RBMS1: variants seen among roughly 807,000 people sequenced by gnomAD.
RBMS1 encodes RNA-binding motif, single-stranded-interacting protein 1.
A neutral mutation model predicts 62.3 loss-of-function variants in RBMS1; 17 were observed. That is an observed-to-expected ratio of 0.27 (90% confidence interval 0.19 to 0.41). RBMS1 has a LOEUF of 0.41. Ranked by LOEUF, RBMS1 falls within the 10% of genes least tolerant of loss-of-function variation. RBMS1 has a pLI of 1.00. For synonymous variants in RBMS1, 172 were observed against 170.0 expected (o/e 1.01, Z -0.09); for missense variants, 334 against 504.5 (o/e 0.66, Z 3.24).
intron 1 of RBMS1, among the ~76,000 whole-genome samples, chr2:160,388,058 A>T (rs1207134099): frequency 6.6e-6 from 1 of 152,182 alleles, no homozygotes. Context: ...ATGTGCTGTT[A>T]GCTTTTCTGA....
At position 160,439,823 on chromosome 2, in the gene RBMS1, C is replaced by T. The variant is rs1290899389; in HGVS notation, c.75+53466G>A. Among the ~76,000 whole-genome samples, 4 of 152,320 alleles carry T rather than the reference C, an allele frequency of 2.6e-5. No individual in the cohort carries two copies. The South Asian group carries it at 8.3e-4, about 32-fold the overall frequency. On this transcript the variant is annotated intron_variant, in intron 1 of 13. Coordinates refer to ENST00000348849, the MANE Select transcript of RBMS1 (RefSeq NM_016836.4). ...ATCCCAGCACCTTGGGAGGCCGAGG[C>T]TGGCGGATCACTCGCGGTTAGGAGC...
intron 1 of RBMS1, among the ~76,000 whole-genome samples, chr2:160,402,391 C>G (rs1224810753): frequency 6.6e-6 from 1 of 152,156 alleles, no homozygotes; most frequent in Non-Finnish European, 1.5e-5. Context: ...GTCTTATTAT[C>G]ATGATTTTTT....
At chr2:160,344,243 G>C (rs953639398) in intron 2 of RBMS1, among the ~76,000 whole-genome samples, 2 of 152,122 alleles carry the variant, frequency 1.3e-5, no homozygotes, top group African/African-American at 4.8e-5. Flanking sequence ...CAGTAAAGAA[G>C]GCAAAAGAGG....
intron 2 of RBMS1, among the ~76,000 whole-genome samples, chr2:160,329,792 A>G (rs1394859191): frequency 6.6e-6 from 1 of 151,906 alleles, no homozygotes; most frequent in Admixed American, 6.6e-5. Context: ...TCTTATCTAT[A>G]TGATTGTCAG....
chr2:160,384,292 T>C (rs914089495), intron 1 of RBMS1, among the ~76,000 whole-genome samples: 2 of 152,226 alleles, frequency 1.3e-5, no homozygotes, highest in African/African-American at 4.8e-5. Context: ...ACCTATAGCA[T>C]AGAGATTTGG....
chr2:160,299,188 G>A (rs745856477), intron 6 of RBMS1, among the ~76,000 whole-genome samples: 1 of 152,182 alleles, frequency 6.6e-6, no homozygotes, highest in Non-Finnish European at 1.5e-5. Context: ...ATGCATAAAT[G>A]GGAAGTAAGG....
At chr2:160,281,252 C>T (rs1292593482) in intron 10 of RBMS1, 62 bp downstream of exon 10, 1 of 1,352,012 alleles carries the variant, frequency 7.4e-7, no homozygotes. Flanking sequence ...TGGTTTTAAC[C>T]TAGAGAGAAT....
chr2:160,378,031 A>G (rs1230749622), intron 1 of RBMS1, among the ~76,000 whole-genome samples: 1 of 152,198 alleles, frequency 6.6e-6, no homozygotes, highest in Non-Finnish European at 1.5e-5. Flanking sequence ...GACAGCAGAC[A>G]AAAATTATTT....
chr2:160,284,831 T>C lies in RBMS1; in HGVS notation c.844A>G (p.Met282Val). The C allele has an allele frequency of 6.2e-7, 1 of 1,610,564 alleles. No homozygotes were observed. Among genetic ancestry groups the C allele is most frequent in the East Asian group, 2.2e-5 (1 of 44,852 alleles). ...PSPYSIATNR[M>V]ITQTSITPYI... ...GGTGTAATAGAAGTTTGAGTGATCA[T>C]TCGGTTTGTAGCAATACTGTATGGT... The change falls in exon 9 of 14, where the codon ATG (methionine) becomes GTG (valine). Residue 282 changes from methionine (M) to valine (V), a missense_variant. By Grantham distance (21) the Met-to-Val change is conservative. Around this residue, in one of 3 missense-constraint regions of RBMS1, gnomAD observed 182 missense variants for 257.7 expected, o/e 0.71. Coordinates refer to ENST00000348849, the MANE Select transcript of RBMS1 (RefSeq NM_016836.4).
chr2:160,360,440 A>G (rs1693063071), intron 2 of RBMS1, among the ~76,000 whole-genome samples: 1 of 152,176 alleles, frequency 6.6e-6, no homozygotes, highest in South Asian at 2.1e-4. Flanking sequence ...CTCTGTAACT[A>G]AAGAATAAAC....
intron 1 of RBMS1, among the ~76,000 whole-genome samples, chr2:160,454,173 A>G (rs1375164851): frequency 1.3e-5 from 2 of 152,254 alleles, no homozygotes; most frequent in African/African-American, 4.8e-5. Flanking sequence ...AGATAATCAT[A>G]TAATGGTTTC....
chr2:160,340,809 G>A (rs910032862), intron 2 of RBMS1, among the ~76,000 whole-genome samples: 1 of 152,122 alleles, frequency 6.6e-6, no homozygotes, highest in Non-Finnish European at 1.5e-5. Context: ...AGGCATGTTA[G>A]TAAACATACA....
chr2:160,424,365 T>TGGGGG (rs58071256), intron 1 of RBMS1, among the ~76,000 whole-genome samples: 4 of 140,818 alleles, frequency 2.8e-5, no homozygotes, highest in South Asian at 2.3e-4. Context: ...GGTGAGAGAT[T>TGGGGG]GGGGGGGGGG....
chr2:160,293,812 T>C (rs1004097676), intron 6 of RBMS1, among the ~76,000 whole-genome samples: 13 of 152,326 alleles, frequency 8.5e-5, no homozygotes, highest in African/African-American at 3.1e-4. Context: ...AGGAAGGTCC[T>C]AGAAGAGCAT....
chr2:160,487,906 G>C (rs1263088887), intron 1 of RBMS1, among the ~76,000 whole-genome samples: 1 of 151,854 alleles, frequency 6.6e-6, no homozygotes, highest in Non-Finnish European at 1.5e-5. Flanking sequence ...TCATCATTTT[G>C]ACATGCTTAT....
intron 1 of RBMS1, among the ~76,000 whole-genome samples, chr2:160,488,124 T>C (rs904881764): frequency 4.6e-5 from 7 of 152,240 alleles, no homozygotes; most frequent in Non-Finnish European, 1.0e-4. Context: ...TGTACTCAAA[T>C]TTGTGTGTGT....
At chr2:160,422,806 G>A (rs1204372705) in intron 1 of RBMS1, among the ~76,000 whole-genome samples, 1 of 151,930 alleles carries the variant, frequency 6.6e-6, no homozygotes, top group Non-Finnish European at 1.5e-5. Flanking sequence ...AACCTCCCAG[G>A]CAAATCATAC....
chr2:160,468,730 C>T lies in RBMS1; in HGVS notation c.75+24559G>A, dbSNP rs536949664. On this transcript the variant is annotated intron_variant, in intron 1 of 13. Transcript: ENST00000348849. Reference sequence around the variant, plus strand: ...ATCTTGAAGGCTTTTAAAAAATCTACAATGTAAGACATCATTAAAGTAATT... The same window carrying T: ...ATCTTGAAGGCTTTTAAAAAATCTATAATGTAAGACATCATTAAAGTAATT... 9.2e-5 allele frequency among the ~76,000 whole-genome samples: 14 copies of T among 152,200 alleles called. No homozygotes were observed. In the East Asian group the frequency reaches 2.7e-3, roughly 29 times the overall value.
intron 3 of RBMS1, among the ~76,000 whole-genome samples, chr2:160,317,850 AG>A: frequency 6.6e-6 from 1 of 152,324 alleles, no homozygotes; most frequent in Non-Finnish European, 1.5e-5. Context: ...CCTCAGGCTC[AG>A]GAAAGAAAAG....
Sources: gnomAD v4.1 joint callset for allele counts (sites outside exome capture counted in the v4.1 genomes callset) on GRCh38, gnomAD v4.1.1 for gene constraint, gnomAD v4.1.1 regional missense constraint, MANE v1.5 for transcripts, NCBI Gene and HGNC (gene_info 2026-07-23, HGNC 2026-07-21) for gene names.